FBN2: variants seen among roughly 807,000 people sequenced by gnomAD.
The protein encoded by FBN2 is fibrillin-2.
Under a neutral mutation model 355.6 loss-of-function variants are expected in FBN2, and 105 were observed. The ratio of observed to expected loss-of-function variants is 0.30; its 90% confidence interval spans 0.25 to 0.35. The LOEUF (loss-of-function observed/expected upper bound fraction) is 0.35, where lower values mean the gene tolerates loss of function less well. Ranked by LOEUF, FBN2 falls within the 10% of genes least tolerant of loss-of-function variation. The probability of loss-of-function intolerance (pLI) is 1.00; values close to 1 mark genes in which losing one functional copy is unlikely to be tolerated. For missense variants in FBN2, 3,280 were observed against 3,758.7 expected (o/e 0.87, Z 3.33); for synonymous variants, 1,350 against 1,301.2 (o/e 1.04, Z -0.81).
At position 128,307,544 on chromosome 5, in the gene FBN2, A is replaced by T. The variant is rs572265724; in HGVS notation, c.5354-341T>A. Among the ~76,000 whole-genome samples the T allele has an allele frequency of 1.1e-4, 17 of 152,232 alleles. 1 individual carries two copies. Among genetic ancestry groups the T allele is most frequent in the South Asian group, 4.1e-4 (2 of 4,832 alleles). ...TTTAAAAAACATCCAATACATAAAG[A>T]TTAAAAAAAAAGAGAAGTACAAATT... On this transcript the variant is annotated intron_variant, in intron 41 of 64. Transcript: ENST00000262464.
intron 5 of FBN2, among the ~76,000 whole-genome samples, chr5:128,482,936 A>G (rs115016003): frequency 4.1e-4 from 62 of 152,338 alleles, no homozygotes; most frequent in African/African-American, 1.5e-3. Flanking sequence ...CAGACATGGA[A>G]TCAACCTAGG....
intron 5 of FBN2, among the ~76,000 whole-genome samples, chr5:128,481,056 C>T (rs181561923): frequency 9.9e-4 from 150 of 152,182 alleles, no homozygotes; most frequent in Non-Finnish European, 1.6e-3. Flanking sequence ...ATTCAAGCTC[C>T]CTATTTCCCA....
intron 11 of FBN2, among the ~76,000 whole-genome samples, chr5:128,380,778 C>T (rs1288502616): frequency 6.6e-6 from 1 of 152,026 alleles, no homozygotes; most frequent in Non-Finnish European, 1.5e-5. Flanking sequence ...TCTGTCTCCT[C>T]TTTATTCTGA....
At position 128,395,261 on chromosome 5, in the gene FBN2, G is replaced by A; in HGVS notation, c.1092C>T (p.Gly364=). The A allele has an allele frequency of 6.2e-7, 1 of 1,614,116 alleles. No homozygotes were observed. Among genetic ancestry groups the A allele is most frequent in the Non-Finnish European group, 8.5e-7 (1 of 1,180,012 alleles). ...CATTCACCAGGCCCGAGAAACACATGCCTGTTCTCTGATCTGTGCATGTAT... is the reference window on the plus strand; with the variant it reads ...CATTCACCAGGCCCGAGAAACACATACCTGTTCTCTGATCTGTGCATGTAT... The part of the protein sequence containing the change: ...DGSRCIDQRT[G]MCFSGLVNGR... The change falls in exon 9 of 65, where the codon GGC becomes GGT. Residue 364 remains glycine, a synonymous_variant. Coordinates refer to ENST00000262464, the MANE Select transcript of FBN2 (RefSeq NM_001999.4).
intron 5 of FBN2, among the ~76,000 whole-genome samples, chr5:128,506,333 A>G (rs1263628043): frequency 1.3e-5 from 2 of 152,154 alleles, no homozygotes; most frequent in Non-Finnish European, 2.9e-5. Context: ...TTAGGTCTTC[A>G]TTAATTTTGT....
chr5:128,464,026 G>T (rs1168122665), intron 6 of FBN2, among the ~76,000 whole-genome samples: 3 of 152,178 alleles, frequency 2.0e-5, no homozygotes, highest in African/African-American at 7.2e-5. Context: ...CAGAGAAGTT[G>T]CTAGAAAAAG....
chr5:128,276,964 T>C (rs1157980378), intron 58 of FBN2, among the ~76,000 whole-genome samples: 4 of 152,168 alleles, frequency 2.6e-5, no homozygotes, highest in African/African-American at 9.6e-5. Flanking sequence ...ATCTCTTTCC[T>C]ACTCGGACTC....
At chr5:128,346,764 A>G (rs753936710) in intron 23 of FBN2, among the ~76,000 whole-genome samples, 1 of 151,956 alleles carries the variant, frequency 6.6e-6, no homozygotes, top group Non-Finnish European at 1.5e-5. Context: ...CATGGCGAAA[A>G]CCCATCTCTA....
intron 27 of FBN2, among the ~76,000 whole-genome samples, chr5:128,337,633 G>C (rs1446638146): frequency 6.6e-6 from 1 of 152,248 alleles, no homozygotes; most frequent in East Asian, 1.9e-4. Flanking sequence ...CAGGGGCGTA[G>C]AGCGGAGTCT....
chr5:128,450,907 G>A (rs186871783), intron 6 of FBN2, among the ~76,000 whole-genome samples: 17 of 152,150 alleles, frequency 1.1e-4, no homozygotes, highest in East Asian at 3.9e-4. Context: ...TGCAACAAAT[G>A]TTAAAGATAC....
chr5:128,274,877 G>A (rs1255337843), intron 59 of FBN2, among the ~76,000 whole-genome samples, 194 bp from the exon 60 acceptor site: 1 of 152,172 alleles, frequency 6.6e-6, no homozygotes, highest in African/African-American at 2.4e-5. Flanking sequence ...AATATTACGG[G>A]CTAGGATGAT....
intron 5 of FBN2, among the ~76,000 whole-genome samples, chr5:128,489,811 G>A (rs916306794): frequency 1.3e-5 from 2 of 152,160 alleles, no homozygotes; most frequent in African/African-American, 4.8e-5. Flanking sequence ...GAAAAAGGAT[G>A]TGTGTTTGTG....
At position 128,344,543 on chromosome 5, in the gene FBN2, G is replaced by A. The variant is rs56381205; in HGVS notation, c.3218-33C>T. ...CAGAATGAAGCCAGAATGTAGAGCC[G>A]GTTGATATAAACGATTAGGTCCATC... On this transcript the variant is annotated intron_variant, in intron 24 of 64. Transcript: ENST00000262464. The A allele has an allele frequency of 4.4e-4, 709 of 1,609,694 alleles. No individual in the cohort carries two copies. In the African/African-American group the frequency reaches 6.4e-3, roughly 15 times the overall value.
intron 5 of FBN2, among the ~76,000 whole-genome samples, chr5:128,489,925 A>G (rs1378949461): frequency 2.0e-5 from 3 of 152,234 alleles, no homozygotes; most frequent in Non-Finnish European, 4.4e-5. Context: ...ACTATAGACT[A>G]CAGTACAAAG....
At chr5:128,447,228 A>T (rs1312462483) in intron 6 of FBN2, among the ~76,000 whole-genome samples, 6 of 152,220 alleles carry the variant, frequency 3.9e-5, no homozygotes, top group African/African-American at 1.4e-4. Flanking sequence ...TCAGGGAATA[A>T]GGGAGATAAC....
intron 48 of FBN2, among the ~76,000 whole-genome samples, chr5:128,292,558 C>T (rs556685281): frequency 1.3e-5 from 2 of 152,096 alleles, no homozygotes; most frequent in Admixed American, 1.3e-4. Flanking sequence ...GTCATCACAT[C>T]CCTTCTATAA....
At chr5:128,265,121 G>A (rs1024606353) in intron 62 of FBN2, among the ~76,000 whole-genome samples, 10 of 152,138 alleles carry the variant, frequency 6.6e-5, no homozygotes, top group African/African-American at 2.2e-4. Context: ...GGCTACATAA[G>A]ATGTAACTAT....
At chr5:128,457,382 G>A (rs1189169552) in intron 6 of FBN2, among the ~76,000 whole-genome samples, 2 of 152,138 alleles carry the variant, frequency 1.3e-5, no homozygotes, top group Non-Finnish European at 2.9e-5. Context: ...ACATATTTCT[G>A]GATATTATCC....
At chr5:128,447,148 T>A (rs1001590665) in intron 6 of FBN2, among the ~76,000 whole-genome samples, 20 of 152,168 alleles carry the variant, frequency 1.3e-4, no homozygotes, top group Non-Finnish European at 2.6e-4. Context: ...ATGATTGCGT[T>A]AACGGCACAA....
Sources: gnomAD v4.1 joint callset for allele counts (sites outside exome capture counted in the v4.1 genomes callset) on GRCh38, gnomAD v4.1.1 for gene constraint, MANE v1.5 for transcripts, NCBI Gene and HGNC (gene_info 2026-07-23, HGNC 2026-07-21) for gene names.